Variants in SLIT3 observed in about 807,000 individuals in gnomAD.
SLIT3 encodes the protein slit guidance ligand 3.
In SLIT3, 68 loss-of-function variants were observed where a neutral mutation model predicts 184.0. The ratio of observed to expected loss-of-function variants is 0.37; its 90% CI spans 0.30 to 0.45. The LOEUF (loss-of-function observed/expected upper bound fraction) is 0.45, where lower values mean the gene tolerates loss of function less well. Ranked by LOEUF, SLIT3 falls within the 20% of genes least tolerant of loss-of-function variation. The pLI is 1.00. For missense variants in SLIT3, 1,707 were observed against 2,026.0 expected (o/e 0.84, Z 3.02); for synonymous variants, 831 against 828.6 (o/e 1.00, Z -0.05).
Position 168,666,352 on chromosome 5 carries a change from C to T in SLIT3, c.*102G>A. The T allele has an allele frequency of 8.7e-7, 1 of 1,152,466 alleles. No individual in the cohort carries two copies. Among genetic ancestry groups the T allele is most frequent in the Non-Finnish European group, 1.2e-6 (1 of 853,286 alleles). 71.4% of individuals were successfully genotyped at this position (1,152,466 alleles called of 1,614,324 possible). ...ATTCTCTTCTTCTTTACCTTCCTCT[C>T]CAGCTTCATTTCCTTCATGCTGAAT... On this transcript the variant is annotated 3_prime_UTR_variant, in exon 36 of 36. Coordinates refer to ENST00000519560, the MANE Select transcript of SLIT3 (RefSeq NM_003062.4).
chr5:168,955,498 A>T (rs948342580), intron 4 of SLIT3, among the ~76,000 whole-genome samples: 1 of 152,028 alleles, frequency 6.6e-6, no homozygotes, highest in Non-Finnish European at 1.5e-5. Flanking sequence ...GTGTTTGCTG[A>T]GTCTCTTCTA....
intron 4 of SLIT3, among the ~76,000 whole-genome samples, chr5:168,897,585 G>T (rs1760713107): frequency 6.6e-6 from 1 of 150,450 alleles, no homozygotes; most frequent in Non-Finnish European, 1.5e-5. Flanking sequence ...GTGAAAGGAA[G>T]AGACACACAG....
intron 4 of SLIT3, among the ~76,000 whole-genome samples, chr5:168,959,764 T>C (rs1270630404): frequency 6.6e-6 from 1 of 151,912 alleles, no homozygotes; most frequent in Non-Finnish European, 1.5e-5. Context: ...CAGCTTGGAG[T>C]TGCTTCTCCT....
chr5:169,168,535 T>A (rs1762715874), intron 4 of SLIT3, among the ~76,000 whole-genome samples: 1 of 152,196 alleles, frequency 6.6e-6, no homozygotes, highest in Non-Finnish European at 1.5e-5. Flanking sequence ...GAGCTCTACA[T>A]GCAGCATCTC....
chr5:169,115,507 G>A (rs1055467237), intron 4 of SLIT3, among the ~76,000 whole-genome samples: 1 of 152,096 alleles, frequency 6.6e-6, no homozygotes, highest in African/African-American at 2.4e-5. Flanking sequence ...ATATGCACAC[G>A]AGGAAACTGA....
At chr5:169,217,986 C>T (rs969069137) in intron 3 of SLIT3, among the ~76,000 whole-genome samples, 10 of 152,182 alleles carry the variant, frequency 6.6e-5, no homozygotes, top group Non-Finnish European at 1.0e-4. Context: ...GAGACCTTTT[C>T]GTCTCACACC....
intron 4 of SLIT3, among the ~76,000 whole-genome samples, chr5:168,946,189 T>C (rs1024571302): frequency 2.0e-5 from 3 of 152,190 alleles, no homozygotes; most frequent in African/African-American, 7.2e-5. Context: ...ACTATACACG[T>C]TGACCCTTTA....
At chr5:168,790,911 C>A (rs79948705) in intron 10 of SLIT3, 9,919 of 152,272 alleles carry the variant, frequency 0.065, 1,058 homozygotes, top group African/African-American at 0.22. Flanking sequence ...CCCCTCCCTG[C>A]CTCCAAAGCC....
chr5:169,109,584 T>C (rs1760338415), intron 4 of SLIT3, among the ~76,000 whole-genome samples: 1 of 152,194 alleles, frequency 6.6e-6, no homozygotes, highest in South Asian at 2.1e-4. Flanking sequence ...ATAGGGCAAT[T>C]GAAAATGAAT....
Position 168,759,831 on chromosome 5 carries a change from TG to T in SLIT3, c.1685+1030del, listed in dbSNP as rs1350569775. 3.9e-5 allele frequency among the ~76,000 whole-genome samples: 6 copies of T among 152,178 alleles called. 1 individual carries two copies. In the South Asian group the frequency reaches 6.2e-4, roughly 16 times the overall value. ...ATCATGAGGATGGACTTTACTTCCC[TG>T]GTCTTCGAGGCACACCTGAACTCTG... On this transcript the variant is annotated intron_variant, in intron 16 of 35. Transcript: ENST00000519560.
intron 4 of SLIT3, among the ~76,000 whole-genome samples, chr5:168,988,522 C>T (rs1324660377): frequency 2.6e-5 from 4 of 152,076 alleles, no homozygotes; most frequent in Non-Finnish European, 5.9e-5. Context: ...CTTGGAGCTG[C>T]AGGGTATAGA....
chr5:168,694,477 TA>T (rs1761994579), intron 28 of SLIT3, among the ~76,000 whole-genome samples: 1 of 152,192 alleles, frequency 6.6e-6, no homozygotes, highest in Non-Finnish European at 1.5e-5. Context: ...AGGTGCACAG[TA>T]AGTGTTGCCT....
intron 4 of SLIT3, among the ~76,000 whole-genome samples, chr5:169,138,301 G>A (rs991850915): frequency 2.6e-5 from 4 of 152,162 alleles, no homozygotes; most frequent in South Asian, 2.1e-4. Context: ...ACTGGTGGAC[G>A]GAAAAGAGCG....
chr5:168,948,402 T>C (rs190987434), intron 4 of SLIT3, among the ~76,000 whole-genome samples: 1 of 152,068 alleles, frequency 6.6e-6, no homozygotes, highest in African/African-American at 2.4e-5. Context: ...TTTAGGTGCA[T>C]ACAGAGAACA....
chr5:169,139,844 A>G (rs1250879832), intron 4 of SLIT3, among the ~76,000 whole-genome samples: 3 of 152,180 alleles, frequency 2.0e-5, no homozygotes, highest in Non-Finnish European at 2.9e-5. Flanking sequence ...GAAGAATGCT[A>G]CAAGAGAAAG....
intron 4 of SLIT3, among the ~76,000 whole-genome samples, chr5:168,981,774 C>T (rs568267987): frequency 6.6e-6 from 1 of 152,294 alleles, no homozygotes; most frequent in African/African-American, 2.4e-5. Flanking sequence ...ATGTAAAGCA[C>T]ATTATTCTTA....
intron 4 of SLIT3, among the ~76,000 whole-genome samples, chr5:169,098,485 CAG>C (rs762550724): frequency 6.6e-6 from 1 of 152,174 alleles, no homozygotes; most frequent in African/African-American, 2.4e-5. Flanking sequence ...CTGGGATGCA[CAG>C]AGGACTCCAT....
chr5:169,005,147 T>C (rs1259007438), intron 4 of SLIT3, among the ~76,000 whole-genome samples: 1 of 152,234 alleles, frequency 6.6e-6, no homozygotes, highest in Non-Finnish European at 1.5e-5. Context: ...AACATAATGC[T>C]GTTACAAAAT....
chr5:169,284,522 G>A (rs1359415257), intron 1 of SLIT3, among the ~76,000 whole-genome samples: 3 of 152,192 alleles, frequency 2.0e-5, no homozygotes, highest in Non-Finnish European at 4.4e-5. Context: ...GGCTAATATA[G>A]GTACCATTTT....
Sources: allele counts gnomAD v4.1 joint callset (sites outside exome capture counted in the v4.1 genomes callset), GRCh38; gene constraint gnomAD v4.1.1; transcripts MANE v1.5; gene names NCBI Gene and HGNC (gene_info 2026-07-23, HGNC 2026-07-21).